Variants in ATRNL1 observed in about 807,000 individuals in gnomAD.
ATRNL1 encodes attractin-like protein 1.
In ATRNL1, 95 loss-of-function variants were observed where a neutral mutation model predicts 182.7. That is an observed-to-expected ratio of 0.52 (90% CI 0.44 to 0.62). The LOEUF (loss-of-function observed/expected upper bound fraction) is 0.62, where lower values mean the gene tolerates loss of function less well. Ranked by LOEUF, ATRNL1 falls within the 20% of genes least tolerant of loss-of-function variation. The probability of loss-of-function intolerance (pLI) is 0.00; values close to 1 mark genes in which losing one functional copy is unlikely to be tolerated. For synonymous variants in ATRNL1, 576 were observed against 568.3 expected (o/e 1.01, Z -0.19); for missense variants, 1,471 against 1,679.5 (o/e 0.88, Z 2.17).
chr10:115,415,897 A>G (rs1196998690), intron 20 of ATRNL1, among the ~76,000 whole-genome samples: 5 of 152,054 alleles, frequency 3.3e-5, no homozygotes, highest in Admixed American at 1.3e-4. Flanking sequence ...TGGAATTTCT[A>G]TTGTACACAT....
intron 26 of ATRNL1, among the ~76,000 whole-genome samples, chr10:115,635,343 A>G (rs1200899868): frequency 1.3e-5 from 2 of 152,048 alleles, no homozygotes; most frequent in East Asian, 1.9e-4. Flanking sequence ...AATTGAACAG[A>G]ACTTCATCAT....
At chr10:115,321,251 A>G (rs1391901942) in intron 18 of ATRNL1, among the ~76,000 whole-genome samples, 2 of 152,102 alleles carry the variant, frequency 1.3e-5, no homozygotes, top group Admixed American at 1.3e-4. Flanking sequence ...GGAGAACAGT[A>G]CAGTTGGGTG....
intron 5 of ATRNL1, among the ~76,000 whole-genome samples, chr10:115,153,916 G>T (rs937746006): frequency 6.6e-6 from 1 of 151,808 alleles, no homozygotes; most frequent in Admixed American, 6.6e-5. Flanking sequence ...GTGTGTCTTT[G>T]TTCTCATTGG....
chr10:115,204,167 AT>A (rs1401912665), intron 8 of ATRNL1, among the ~76,000 whole-genome samples: 6 of 151,940 alleles, frequency 3.9e-5, no homozygotes, highest in African/African-American at 1.5e-4. Context: ...AGTTTACGGA[AT>A]TTTTAAATTT....
At chr10:115,895,456 G>A (rs1312880105) in intron 28 of ATRNL1, among the ~76,000 whole-genome samples, 2 of 152,216 alleles carry the variant, frequency 1.3e-5, no homozygotes, top group African/African-American at 2.4e-5. Context: ...CAGCTTTGTG[G>A]AAGCTCCAGC....
intron 21 of ATRNL1, among the ~76,000 whole-genome samples, chr10:115,442,179 T>G (rs1554965857): frequency 6.6e-6 from 1 of 151,816 alleles, no homozygotes; most frequent in African/African-American, 2.4e-5. Context: ...CTTTCTGACT[T>G]TATCTCTTAC....
chr10:115,141,258 A>G (rs1845742206), intron 5 of ATRNL1, among the ~76,000 whole-genome samples: 1 of 152,118 alleles, frequency 6.6e-6, no homozygotes, highest in Non-Finnish European at 1.5e-5. Context: ...TAGACATTCA[A>G]CTAGAGATGT....
intron 8 of ATRNL1, among the ~76,000 whole-genome samples, chr10:115,176,907 G>C (rs782068025): frequency 1.6e-4 from 25 of 152,016 alleles, no homozygotes; most frequent in Non-Finnish European, 2.9e-4. Context: ...ATTCTTACTG[G>C]AGTCCTAGAG....
chr10:115,938,843 T>C (rs1953641659), intron 28 of ATRNL1, among the ~76,000 whole-genome samples: 1 of 151,946 alleles, frequency 6.6e-6, no homozygotes, highest in Non-Finnish European at 1.5e-5. Flanking sequence ...TACCAGAGGC[T>C]AGGGGAAGGG....
At chr10:115,371,992 A>G (rs1857419323) in intron 19 of ATRNL1, among the ~76,000 whole-genome samples, 1 of 152,128 alleles carries the variant, frequency 6.6e-6, no homozygotes, top group African/African-American at 2.4e-5. Context: ...TGGTTTGAAA[A>G]AGGGGAGTTT....
At chr10:115,496,586 T>C (rs900331734) in intron 24 of ATRNL1, among the ~76,000 whole-genome samples, 3 of 152,250 alleles carry the variant, frequency 2.0e-5, no homozygotes, top group Non-Finnish European at 4.4e-5. Flanking sequence ...ATTGGTGTGA[T>C]GTGAGGTTGT....
Position 115,546,482 on chromosome 10 carries a change from C to G in ATRNL1, c.3717-2976C>G, listed in dbSNP as rs187820644. The stretch of plus-strand genomic sequence containing the variant: ...TCAGGAGGCTGAGGCAGGAGAGTTG[C>G]TTGAACCCGGGAGGCAGAGGCTGCA... On this transcript the variant is annotated intron_variant, in intron 25 of 28. Transcript: ENST00000355044. Among the ~76,000 whole-genome samples, 477 of 151,918 alleles carry G rather than the reference C, an allele frequency of 3.1e-3. 3 individuals are homozygous for G. Among genetic ancestry groups the G allele is most frequent in the African/African-American group, 0.011 (456 of 41,410 alleles).
intron 27 of ATRNL1, among the ~76,000 whole-genome samples, chr10:115,807,481 G>A (rs1162491205): frequency 6.6e-6 from 1 of 152,150 alleles, no homozygotes; most frequent in African/African-American, 2.4e-5. Flanking sequence ...TTTACCCCAT[G>A]AGTAAAAGGA....
chr10:115,668,378 T>C (rs557168197), intron 26 of ATRNL1, among the ~76,000 whole-genome samples: 1 of 152,310 alleles, frequency 6.6e-6, no homozygotes, highest in East Asian at 1.9e-4. Flanking sequence ...ACCTTATACC[T>C]GAAATTGTTC....
chr10:115,518,943 A>G (rs1163399267), intron 24 of ATRNL1, among the ~76,000 whole-genome samples: 1 of 151,980 alleles, frequency 6.6e-6, no homozygotes, highest in Non-Finnish European at 1.5e-5. Context: ...TTCTTAGCTG[A>G]GTTGAAATGT....
intron 28 of ATRNL1, 117 bp downstream of exon 28, chr10:115,848,108 T>C (rs781784453): frequency 3.3e-5 from 21 of 632,650 alleles, no homozygotes; most frequent in Non-Finnish European, 5.9e-5. Context: ...ATTTAGAGCA[T>C]GGTAAAATTT....
chr10:115,390,741 G>A (rs554132038), intron 19 of ATRNL1, among the ~76,000 whole-genome samples: 15 of 152,086 alleles, frequency 9.9e-5, no homozygotes, highest in Non-Finnish European at 2.1e-4. Context: ...TATTACTTTT[G>A]GTAGCATGGG....
intron 8 of ATRNL1, among the ~76,000 whole-genome samples, chr10:115,195,614 G>A (rs969543395): frequency 6.6e-6 from 1 of 152,010 alleles, no homozygotes; most frequent in Non-Finnish European, 1.5e-5. Flanking sequence ...GAGTATATTT[G>A]AGGTATCTGT....
intron 26 of ATRNL1, among the ~76,000 whole-genome samples, chr10:115,666,165 T>C (rs1397796541): frequency 6.6e-6 from 1 of 152,174 alleles, no homozygotes; most frequent in Non-Finnish European, 1.5e-5. Flanking sequence ...AGCCTCATAT[T>C]CAGAAATTCT....
Sources: allele counts gnomAD v4.1 joint callset (sites outside exome capture counted in the v4.1 genomes callset), GRCh38; gene constraint gnomAD v4.1.1; transcripts MANE v1.5; gene names NCBI Gene and HGNC (gene_info 2026-07-23, HGNC 2026-07-21).